Variants in MAP4 observed in about 807,000 individuals in gnomAD.
The protein encoded by MAP4 is microtubule associated protein 4, also known as microtubule-associated protein 4.
In MAP4, 76 loss-of-function variants were observed where a neutral mutation model predicts 170.2. The ratio of observed to expected loss-of-function variants is 0.45; its 90% confidence interval spans 0.37 to 0.54. The LOEUF (loss-of-function observed/expected upper bound fraction) is 0.54, where lower values mean the gene tolerates loss of function less well. Among genes scored for constraint, MAP4 ranks in the 20% least tolerant of loss-of-function variants. The pLI is 0.00. For synonymous variants in MAP4, 909 were observed against 994.5 expected, an observed-to-expected ratio of 0.91 and a Z score of 1.62; for missense variants, 2,506 against 2,748.0, an observed-to-expected ratio of 0.91 and a Z score of 1.97.
chr3:47,864,825 C>T (rs559384968), intron 17 of MAP4, among the ~76,000 whole-genome samples: 1 of 152,310 alleles, frequency 6.6e-6, no homozygotes, highest in Non-Finnish European at 1.5e-5. Flanking sequence ...CGAGATTACG[C>T]CACTGCACTC....
At chr3:47,936,538 G>A (rs1281242518) in intron 3 of MAP4, among the ~76,000 whole-genome samples, 2 of 151,394 alleles carry the variant, frequency 1.3e-5, no homozygotes, top group South Asian at 2.1e-4. Flanking sequence ...CTACAAGCAC[G>A]CAACAAAATA....
At chr3:47,984,170 T>C (rs1490356991) in intron 2 of MAP4, among the ~76,000 whole-genome samples, 1 of 152,136 alleles carries the variant, frequency 6.6e-6, no homozygotes, top group Non-Finnish European at 1.5e-5. Context: ...TTTTATTTTT[T>C]TTTTCTTTGT....
At chr3:48,017,510 ACT>A (rs1159326317), upstream of MAP4, among the ~76,000 whole-genome samples, 1 of 148,818 alleles carries the variant, frequency 6.7e-6, no homozygotes, top group Non-Finnish European at 1.5e-5. Context: ...GTAAATCCAA[ACT>A]CTTACGTGTA....
intron 1 of MAP4, among the ~76,000 whole-genome samples, chr3:48,054,535 C>G (rs1301292147): frequency 7.2e-6 from 1 of 139,538 alleles, no homozygotes; most frequent in African/African-American, 2.7e-5. Flanking sequence ...GAGGCTGAGG[C>G]AGGAGAATCA....
chr3:48,008,006 G>A lies in MAP4; in HGVS notation c.-20+8328C>T, dbSNP rs118186589. Reference sequence around the variant, plus strand: ...CTGTTACTGGGCTTTAGTGGAAATTGAATGTTTGACTATGGGTCATCAAGT... The same window carrying A: ...CTGTTACTGGGCTTTAGTGGAAATTAAATGTTTGACTATGGGTCATCAAGT... On this transcript the variant is annotated intron_variant, in intron 1 of 20. Coordinates refer to ENST00000683076, the MANE Select transcript of MAP4 (RefSeq NM_001385682.1). Among the ~76,000 whole-genome samples the A allele has an allele frequency of 3.5e-3, 535 of 152,204 alleles. 28 individuals are homozygous for A. In the East Asian group the frequency reaches 0.085, roughly 24 times the overall value.
chr3:47,917,192 G>A lies in MAP4; in HGVS notation c.653-18C>T. The stretch of plus-strand genomic sequence containing the variant: ...TAAGGGAACTAAATTGGAAATTTAG[G>A]ACACATCATTGTCTACTCATACCTT... On this transcript the variant is annotated intron_variant, in intron 6 of 20. Coordinates refer to ENST00000683076, the MANE Select transcript of MAP4 (RefSeq NM_001385682.1). 1 of 1,600,066 alleles carries A rather than the reference G, an allele frequency of 6.2e-7. No homozygotes were observed. Among genetic ancestry groups the A allele is most frequent in the Non-Finnish European group, 8.5e-7 (1 of 1,171,398 alleles).
At chr3:47,888,651 T>C (rs2098072917) in intron 10 of MAP4, among the ~76,000 whole-genome samples, 1 of 152,200 alleles carries the variant, frequency 6.6e-6, no homozygotes, top group East Asian at 1.9e-4. Context: ...GTGGCTTCAT[T>C]CTTGAAGTCA....
intron 9 of MAP4, among the ~76,000 whole-genome samples, 168 bp downstream of exon 9, chr3:47,908,870 A>G (rs539490175): frequency 6.6e-6 from 1 of 152,346 alleles, no homozygotes; most frequent in South Asian, 2.1e-4. Flanking sequence ...CACAAGGAAC[A>G]CATTGGCTGC....
intron 1 of MAP4, among the ~76,000 whole-genome samples, chr3:48,087,566 T>C (rs1368168312): frequency 6.6e-6 from 1 of 152,050 alleles, no homozygotes; most frequent in Non-Finnish European, 1.5e-5. Context: ...AGCATACTAT[T>C]CACCCTCCTC....
rs2100035405 is a variant in MAP4, at chr3:47,910,410, AG to A, written c.4010del (p.Pro1337LeufsTer3). On this transcript the variant is annotated frameshift_variant, in exon 9 of 21. Transcript: ENST00000683076. LOFTEE classifies it high-confidence loss of function. ...TCTTATTCTCCTCAGATACTACTGAAGGAACAAATCCTGCCCCCTGGATTTG... is the reference window on the plus strand; with the variant it reads ...TCTTATTCTCCTCAGATACTACTGAAGAACAAATCCTGCCCCCTGGATTTG... ...QEQIQGAGFV[P>X]SVVSEENKTD... The A allele has an allele frequency of 1.3e-6, 2 of 1,536,586 alleles. No individual in the cohort carries two copies. The highest frequency in any genetic ancestry group is 1.7e-6 in the Non-Finnish European group (2 of 1,146,926).
intron 4 of MAP4, among the ~76,000 whole-genome samples, chr3:47,927,601 G>A (rs898816955): frequency 2.0e-5 from 3 of 151,972 alleles, no homozygotes; most frequent in Non-Finnish European, 2.9e-5. Context: ...TCAGCCTCCC[G>A]AGTAGCTGGG....
intron 17 of MAP4, among the ~76,000 whole-genome samples, chr3:47,858,619 GTTGTGTGT>G (rs1559780502): frequency 8.0e-6 from 1 of 125,188 alleles, no homozygotes; most frequent in Non-Finnish European, 1.6e-5. Context: ...GTGTGTGCGC[GTTGTGTGT>G]GTGTGTGTGT....
In MAP4 at chr3:47,911,901, A is replaced by G. The variant is rs2100036143; in HGVS notation, c.2520T>C (p.Ser840=). The change falls in exon 9 of 21, where the codon AGT becomes AGC. Residue 840 remains serine (S), a synonymous_variant. Coordinates refer to ENST00000683076, the MANE Select transcript of MAP4 (RefSeq NM_001385682.1). The surrounding 1 kb of genome is among the most constrained non-coding windows in gnomAD (Gnocchi z 4.0). ...NLKRECLVNS[S]AARLVAENFV... ...AGTTCTCAGCTACCAGTCTGGCTGCACTGGAGTTAACTAAACATTCCCTTT... is the reference window on the plus strand; with the variant it reads ...AGTTCTCAGCTACCAGTCTGGCTGCGCTGGAGTTAACTAAACATTCCCTTT... 1 of 1,535,974 alleles carries G rather than the reference A, an allele frequency of 6.5e-7. No homozygotes were observed. Among genetic ancestry groups the G allele is most frequent in the South Asian group, 1.2e-5 (1 of 84,062 alleles).
intron 1 of MAP4, among the ~76,000 whole-genome samples, chr3:48,005,763 A>G (rs2100101969): frequency 1.3e-5 from 2 of 152,192 alleles, no homozygotes; most frequent in African/African-American, 4.8e-5. Flanking sequence ...TGCCTTGTGA[A>G]ATAGATTTGT....
intron 1 of MAP4, among the ~76,000 whole-genome samples, chr3:48,030,435 C>T (rs2100115420): frequency 6.6e-6 from 1 of 151,120 alleles, no homozygotes; most frequent in East Asian, 1.9e-4. Context: ...TCAAGATGAG[C>T]CTGAAGTACC....
intron 1 of MAP4, among the ~76,000 whole-genome samples, chr3:48,021,567 C>CA (rs1276586794): frequency 1.3e-5 from 2 of 152,160 alleles, no homozygotes; most frequent in African/African-American, 4.8e-5. Flanking sequence ...AGGCTGTTCT[C>CA]AAACTCCTGA....
At chr3:47,997,787 C>T (rs1202897791) in intron 2 of MAP4, among the ~76,000 whole-genome samples, 1 of 151,916 alleles carries the variant, frequency 6.6e-6, no homozygotes, top group African/African-American at 2.4e-5. Context: ...ATAATAGATC[C>T]TACAGACATT....
At chr3:47,902,127 C>A (rs886901210) in intron 10 of MAP4, among the ~76,000 whole-genome samples, 13 of 152,088 alleles carry the variant, frequency 8.5e-5, no homozygotes, top group African/African-American at 2.9e-4. Context: ...GCACTTCAGC[C>A]TGGGTGACAA....
intron 15 of MAP4, 22 bp downstream of exon 15, chr3:47,870,791 A>T (rs777818363): frequency 2.9e-5 from 44 of 1,520,184 alleles, no homozygotes; most frequent in Admixed American, 4.4e-5. Flanking sequence ...GCATGCCAGG[A>T]CCCCAAGCTC....
Sources: gnomAD v4.1 joint callset for allele counts (sites outside exome capture counted in the v4.1 genomes callset) on GRCh38, gnomAD v4.1.1 for gene constraint, Gnocchi (gnomAD v3.1) non-coding constraint, MANE v1.5 for transcripts, NCBI Gene and HGNC (gene_info 2026-07-23, HGNC 2026-07-21) for gene names.